The following SORCS2 variants were observed in gnomAD, a reference collection of about 807,000 sequenced individuals.
SORCS2 encodes the protein VPS10 domain-containing receptor SorCS2.
A neutral mutation model predicts 141.6 loss-of-function variants in SORCS2; 100 were observed. The ratio of observed to expected loss-of-function variants is 0.71; its 90% CI spans 0.60 to 0.83. The LOEUF (loss-of-function observed/expected upper bound fraction) is 0.83, where lower values mean the gene tolerates loss of function less well. Among genes scored for constraint, SORCS2 ranks in the 40% least tolerant of loss-of-function variants. SORCS2 has a pLI of 0.00. For missense variants in SORCS2, 1,646 were observed against 1,560.2 expected, an observed-to-expected ratio of 1.05 and a Z score of -0.93; for synonymous variants, 789 against 676.9, an observed-to-expected ratio of 1.17 and a Z score of -2.57.
chr4:7,410,372 G>T (rs1395989784), intron 2 of SORCS2, among the ~76,000 whole-genome samples: 2 of 152,212 alleles, frequency 1.3e-5, no homozygotes, highest in Non-Finnish European at 2.9e-5. Flanking sequence ...CTACCCTTAA[G>T]GTGATGACAA....
intron 5 of SORCS2, among the ~76,000 whole-genome samples, chr4:7,660,825 G>C (rs1722114769): frequency 6.6e-6 from 1 of 152,182 alleles, no homozygotes; most frequent in Non-Finnish European, 1.5e-5. Context: ...CCTCTTGCTG[G>C]AGCCTTCGCC....
chr4:7,199,388 G>A (rs1727362050), intron 1 of SORCS2, among the ~76,000 whole-genome samples: 1 of 152,196 alleles, frequency 6.6e-6, no homozygotes, highest in South Asian at 2.1e-4. Context: ...CACAGGTGGA[G>A]GAGGATGAGG....
chr4:7,509,925 A>G (rs1732513018), intron 2 of SORCS2, among the ~76,000 whole-genome samples: 1 of 152,172 alleles, frequency 6.6e-6, no homozygotes, highest in Non-Finnish European at 1.5e-5. Context: ...GGGGCACGAA[A>G]TTACATCTCT....
chr4:7,363,039 ACAT>A (rs1466983143), intron 1 of SORCS2, among the ~76,000 whole-genome samples: 2 of 149,038 alleles, frequency 1.3e-5, no homozygotes, highest in African/African-American at 5.1e-5. Context: ...ACCATCATTA[ACAT>A]CATCACCACC....
chr4:7,314,221 C>G (rs946379928), intron 1 of SORCS2, among the ~76,000 whole-genome samples: 14 of 152,220 alleles, frequency 9.2e-5, no homozygotes, highest in Non-Finnish European at 1.8e-4. Flanking sequence ...TGCTCTCAAG[C>G]TCCACTCCTC....
intron 1 of SORCS2, among the ~76,000 whole-genome samples, chr4:7,375,897 GC>G (rs1166959496): frequency 2.0e-5 from 3 of 152,200 alleles, no homozygotes; most frequent in African/African-American, 7.2e-5. Flanking sequence ...TGTTATTCGT[GC>G]GCAGGTTACT....
intron 5 of SORCS2, among the ~76,000 whole-genome samples, chr4:7,659,832 C>T (rs1291267481): frequency 6.6e-6 from 1 of 152,174 alleles, no homozygotes; most frequent in Non-Finnish European, 1.5e-5. Context: ...CTCCCCCCCA[C>T]CACTGTCCCT....
intron 1 of SORCS2, among the ~76,000 whole-genome samples, chr4:7,325,813 G>A (rs1719218131): frequency 6.6e-6 from 1 of 152,150 alleles, no homozygotes; most frequent in African/African-American, 2.4e-5. Context: ...CAGGCACAGA[G>A]ACACCCGTTA....
At chr4:7,726,004 A>G (rs896104643) in intron 20 of SORCS2, among the ~76,000 whole-genome samples, 9 of 152,206 alleles carry the variant, frequency 5.9e-5, no homozygotes, top group African/African-American at 2.2e-4. Flanking sequence ...TGCTCCACAC[A>G]TGTCCCTTCA....
intron 3 of SORCS2, among the ~76,000 whole-genome samples, chr4:7,539,463 G>T (rs577428104): frequency 2.0e-5 from 3 of 152,200 alleles, no homozygotes; most frequent in Non-Finnish European, 2.9e-5. Flanking sequence ...CAGAAGTCCA[G>T]TACTTTGTTC....
Position 7,192,673 on chromosome 4 carries a change from C to T in SORCS2, c.27C>T (p.Ala9=), listed in dbSNP as rs1480999414. 2.0e-6 allele frequency: 2 copies of T among 987,848 alleles called. No homozygotes were observed. Among genetic ancestry groups the T allele is most frequent in the Non-Finnish European group, 2.4e-6 (2 of 832,962 alleles). 61.2% of individuals were successfully genotyped at this position (987,848 alleles called of 1,614,324 possible). The change falls in exon 1 of 27, where the codon GCC becomes GCT. Residue 9 remains alanine (A), a synonymous_variant. Transcript: ENST00000507866. The surrounding 1 kb of genome is among the most constrained non-coding windows in gnomAD (Gnocchi z 4.0). ...TGGCGCACCGGGGGCCCTCGCGCGC[C>T]TCGAAGGGCCCCGGCCCCACCGCCC... The part of the protein sequence containing the change: MAHRGPSR[A]SKGPGPTARA...
intron 5 of SORCS2, among the ~76,000 whole-genome samples, chr4:7,657,336 GGTGA>G (rs1437754173): frequency 1.3e-5 from 2 of 152,092 alleles, no homozygotes; most frequent in South Asian, 2.1e-4. Context: ...TGAATGAGTA[GGTGA>G]GTGAGTGAAT....
intron 12 of SORCS2, among the ~76,000 whole-genome samples, chr4:7,699,510 C>T (rs1291963875): frequency 6.6e-6 from 1 of 152,156 alleles, no homozygotes; most frequent in Non-Finnish European, 1.5e-5. Flanking sequence ...GGAAATTGCA[C>T]TCCAGGACTG....
At chr4:7,246,309 A>G (rs903401886) in intron 1 of SORCS2, among the ~76,000 whole-genome samples, 3 of 152,086 alleles carry the variant, frequency 2.0e-5, no homozygotes, top group Non-Finnish European at 2.9e-5. Flanking sequence ...CTCTGACCAA[A>G]CACATCCGGA....
chr4:7,732,559 CCAG>C, intron 23 of SORCS2, among the ~76,000 whole-genome samples: 1 of 152,160 alleles, frequency 6.6e-6, no homozygotes, highest in Non-Finnish European at 1.5e-5. Context: ...ACCCTACAAC[CCAG>C]CACCACCTCC....
intron 2 of SORCS2, among the ~76,000 whole-genome samples, chr4:7,407,405 G>A (rs1351923434): frequency 2.6e-5 from 4 of 152,094 alleles, no homozygotes; most frequent in African/African-American, 4.8e-5. Context: ...TCCTCATGGT[G>A]CATTGACCCC....
In SORCS2 at chr4:7,524,087, G is replaced by C. The variant is rs58205752; in HGVS notation, c.549-7443G>C. Among the ~76,000 whole-genome samples, 1,302 of 152,340 alleles carry C rather than the reference G, an allele frequency of 8.5e-3. 19 individuals are homozygous for C. The highest frequency in any genetic ancestry group is 0.03 in the African/African-American group (1,266 of 41,570). On this transcript the variant is annotated intron_variant, in intron 2 of 26. Transcript: ENST00000507866. Reference sequence around the variant, plus strand: ...GAATAGAAGCTCAGTCAGTGCAACTGCCTATAGAGAGGTGAATAGAGTCGC... The same window carrying C: ...GAATAGAAGCTCAGTCAGTGCAACTCCCTATAGAGAGGTGAATAGAGTCGC...
At chr4:7,258,510 T>C (rs1311465399) in intron 1 of SORCS2, among the ~76,000 whole-genome samples, 2 of 152,204 alleles carry the variant, frequency 1.3e-5, no homozygotes, top group Non-Finnish European at 2.9e-5. Context: ...TATCCCATGG[T>C]GTATATGTGC....
At position 7,388,967 on chromosome 4, in the gene SORCS2, C is replaced by T. The variant is rs79181575; in HGVS notation, c.481-7321C>T. Among the ~76,000 whole-genome samples, 44 of 152,316 alleles carry T rather than the reference C, an allele frequency of 2.9e-4. 1 individual carries two copies. The East Asian group carries it at 3.1e-3, about 11-fold the overall frequency. On this transcript the variant is annotated intron_variant, in intron 1 of 26. Transcript: ENST00000507866. The stretch of plus-strand genomic sequence containing the variant: ...CCCTCATTTCCCATGCACAGCACTT[C>T]GATGGAATAGCTTCCCTGAAATGGG...
Sources: gnomAD v4.1 joint callset for allele counts (sites outside exome capture counted in the v4.1 genomes callset) on GRCh38, gnomAD v4.1.1 for gene constraint, Gnocchi (gnomAD v3.1) non-coding constraint, MANE v1.5 for transcripts, NCBI Gene and HGNC (gene_info 2026-07-23, HGNC 2026-07-21) for gene names.